Variants in FAM107B observed in about 807,000 individuals in gnomAD.
FAM107B encodes family with sequence similarity 107 member B, also known as protein FAM107B.
Under a neutral mutation model 31.5 loss-of-function variants are expected in FAM107B, and 21 were observed. That is an observed-to-expected ratio of 0.67 (90% CI 0.47 to 0.96). FAM107B has a LOEUF of 0.96. Ranked by LOEUF, FAM107B falls within the 40% of genes least tolerant of loss-of-function variation. The pLI is 0.00. For synonymous variants in FAM107B, 157 were observed against 141.5 expected (o/e 1.11, Z -0.78); for missense variants, 452 against 377.1 (o/e 1.20, Z -1.64).
intron 1 of FAM107B, among the ~76,000 whole-genome samples, chr10:14,684,307 C>G (rs1005343576): frequency 1.3e-5 from 2 of 151,980 alleles, no homozygotes; most frequent in African/African-American, 4.8e-5. Flanking sequence ...AAAAAATTAG[C>G]CAGGTGTGGT....
intron 2 of FAM107B, among the ~76,000 whole-genome samples, chr10:14,620,130 T>C (rs1301911960): frequency 6.7e-6 from 1 of 150,280 alleles, no homozygotes; most frequent in African/African-American, 2.4e-5. Context: ...GCCATTCTCC[T>C]GCCTCAGCCT....
intron 2 of FAM107B, among the ~76,000 whole-genome samples, chr10:14,666,767 G>A (rs1044254365): frequency 6.6e-6 from 1 of 152,116 alleles, no homozygotes; most frequent in African/African-American, 2.4e-5. Context: ...GGAGGAGATG[G>A]GAGGAGATAG....
chr10:14,725,821 CTTTTTTTTTTTT>C (rs759788163), intron 1 of FAM107B, among the ~76,000 whole-genome samples: 1 of 94,298 alleles, frequency 1.1e-5, no homozygotes, highest in South Asian at 3.8e-4. Flanking sequence ...CAGTCAAATC[CTTTTTTTTTTTT>C]TTTTTTTTTG....
chr10:14,695,064 C>T (rs7907422), intron 1 of FAM107B, among the ~76,000 whole-genome samples: 7,687 of 152,054 alleles, frequency 0.051, 638 homozygotes, highest in African/African-American at 0.17. Flanking sequence ...ATATGCAAAA[C>T]GTCATTACCA....
rs76344761 is a variant in FAM107B at position 14,638,171 on chromosome 10, T to C, written c.469+29463A>G. ...TGATAACAGTAATTTATAAAATTAT[T>C]ACTCTGGTTTTCAGTTTCTTCTTTG... On this transcript the variant is annotated intron_variant, in intron 2 of 4. Transcript: ENST00000181796. Among the ~76,000 whole-genome samples, 113 of 152,344 alleles carry C rather than the reference T, an allele frequency of 7.4e-4. 1 individual carries two copies. The East Asian group carries it at 0.019, about 25-fold the overall frequency.
intron 2 of FAM107B, among the ~76,000 whole-genome samples, chr10:14,560,570 C>T (rs1265195426): frequency 6.6e-6 from 1 of 152,116 alleles, no homozygotes; most frequent in African/African-American, 2.4e-5. Flanking sequence ...GGGCTGAAGA[C>T]GTGGACTGAG....
chr10:14,583,868 C>T (rs928190287), intron 2 of FAM107B, among the ~76,000 whole-genome samples: 3 of 152,184 alleles, frequency 2.0e-5, no homozygotes, highest in African/African-American at 7.2e-5. Context: ...GATCCAGGGC[C>T]TGGGACACAA....
chr10:14,633,922 G>A (rs1853430682), intron 2 of FAM107B, among the ~76,000 whole-genome samples: 1 of 152,148 alleles, frequency 6.6e-6, no homozygotes, highest in South Asian at 2.1e-4. Flanking sequence ...AGAGCTTAGG[G>A]AAGAGATAAA....
chr10:14,661,597 C>T (rs1564617814), intron 2 of FAM107B: 1 of 152,326 alleles, frequency 6.6e-6, no homozygotes, highest in East Asian at 1.9e-4. Context: ...CACTGGGGCT[C>T]TTGGATCTCG....
chr10:14,773,185 C>T (rs893415247), intron 1 of FAM107B, among the ~76,000 whole-genome samples: 9 of 152,262 alleles, frequency 5.9e-5, no homozygotes, highest in East Asian at 1.9e-4. Context: ...AGAATGCAGA[C>T]GACAGACCCA....
At chr10:14,696,766 T>C (rs1054128045) in intron 1 of FAM107B, among the ~76,000 whole-genome samples, 12 of 152,176 alleles carry the variant, frequency 7.9e-5, no homozygotes, top group African/African-American at 2.9e-4. Context: ...CAGCAGATGC[T>C]TCTGAATGTG....
intron 2 of FAM107B, among the ~76,000 whole-genome samples, chr10:14,549,346 C>T (rs1035312296): frequency 1.3e-5 from 2 of 152,206 alleles, no homozygotes; most frequent in African/African-American, 4.8e-5. Flanking sequence ...CAAGAGCAAT[C>T]GGAGTTTCTT....
intron 1 of FAM107B, among the ~76,000 whole-genome samples, chr10:14,767,882 C>G (rs1387784779): frequency 6.6e-6 from 1 of 152,168 alleles, no homozygotes; most frequent in Admixed American, 6.5e-5. Flanking sequence ...GTAAAATTAT[C>G]TGTCTGTTGA....
rs1000926079 is a variant in FAM107B at position 14,520,643 on chromosome 10, G to C, written c.*547C>G. 1 of 152,188 alleles carries C rather than the reference G, an allele frequency of 6.6e-6. No homozygotes were observed. Among genetic ancestry groups the C allele is most frequent in the Non-Finnish European group, 1.5e-5 (1 of 68,028 alleles). The allele number at this position is 152,188 out of a possible 1,614,324, so 9.4% of individuals were successfully genotyped here. A position where few individuals can be genotyped will look rare whatever the true frequency, so the allele number is the denominator to read the frequency against. ...GGTAGTGGCTGTGCTCGACATTCAC[G>C]TTCCTTCTCTGGTGTTAACTGCAAC... On this transcript the variant is annotated 3_prime_UTR_variant, in exon 5 of 5. Coordinates refer to ENST00000181796, the MANE Select transcript of FAM107B (RefSeq NM_031453.4).
chr10:14,680,302 G>A (rs537539829), intron 1 of FAM107B, among the ~76,000 whole-genome samples: 19 of 152,018 alleles, frequency 1.2e-4, no homozygotes, highest in Non-Finnish European at 2.2e-4. Context: ...GGCCGGGTGC[G>A]GTGGCTCATG....
intron 1 of FAM107B, among the ~76,000 whole-genome samples, chr10:14,760,338 G>A (rs1373132775): frequency 1.3e-5 from 2 of 152,144 alleles, no homozygotes; most frequent in African/African-American, 4.8e-5. Flanking sequence ...TGCAAAATGA[G>A]GATAATCGCT....
rs1318067400 is a variant in FAM107B, at chr10:14,518,771, A to G, written c.*2419T>C. ...TTTTCAGAGTAGAAGAATAAAGTCG[A>G]CTGTTATAGCTTAGAAAGCAACACT... On this transcript the variant is annotated 3_prime_UTR_variant, in exon 5 of 5. Coordinates refer to ENST00000181796, the MANE Select transcript of FAM107B (RefSeq NM_031453.4). 3.9e-5 allele frequency: 6 copies of G among 152,656 alleles called. No individual in the cohort carries two copies. The highest frequency in any genetic ancestry group is 1.4e-4 in the African/African-American group (6 of 41,458). The allele number at this position is 152,656 out of a possible 1,614,324, so 9.5% of individuals were successfully genotyped here.
chr10:14,677,065 C>T (rs1160705781), intron 1 of FAM107B, among the ~76,000 whole-genome samples: 1 of 152,124 alleles, frequency 6.6e-6, no homozygotes, highest in Non-Finnish European at 1.5e-5. Flanking sequence ...TAGCCCAATG[C>T]CTCCCTCTGC....
chr10:14,614,970 G>A (rs1388200567), intron 2 of FAM107B, among the ~76,000 whole-genome samples: 1 of 152,118 alleles, frequency 6.6e-6, no homozygotes, highest in Non-Finnish European at 1.5e-5. Context: ...TTTGTCAAGG[G>A]TAGTAGACGG....
Sources: allele counts gnomAD v4.1 joint callset (sites outside exome capture counted in the v4.1 genomes callset), GRCh38; gene constraint gnomAD v4.1.1; transcripts MANE v1.5; gene names NCBI Gene and HGNC (gene_info 2026-07-23, HGNC 2026-07-21).